Variants in DAB1 observed in about 807,000 individuals in gnomAD.
DAB1 encodes disabled homolog 1.
In DAB1, 15 loss-of-function variants were observed where a neutral mutation model predicts 64.6. The ratio of observed to expected loss-of-function variants is 0.23; its 90% CI spans 0.16 to 0.36. The LOEUF (loss-of-function observed/expected upper bound fraction) is 0.36. Among genes scored for constraint, DAB1 ranks in the 10% least tolerant of loss-of-function variants. DAB1 has a pLI of 1.00. For missense variants in DAB1, 596 were observed against 706.7 expected, an observed-to-expected ratio of 0.84 and a Z score of 1.78; for synonymous variants, 235 against 251.9, an observed-to-expected ratio of 0.93 and a Z score of 0.64.
At chr1:58,294,401 A>G (rs1318580021) in intron 4 of DAB1, among the ~76,000 whole-genome samples, 1 of 152,122 alleles carries the variant, frequency 6.6e-6, no homozygotes, top group East Asian at 1.9e-4. Flanking sequence ...ATTCCATTCA[A>G]CTCAATTTAA....
At chr1:58,339,481 A>G (rs1053498657) in intron 4 of DAB1, among the ~76,000 whole-genome samples, 1 of 152,210 alleles carries the variant, frequency 6.6e-6, no homozygotes, top group Non-Finnish European at 1.5e-5. Context: ...ATGAAAAAAT[A>G]TAATAGAGTA....
chr1:58,061,507 G>A (rs1221958580), intron 5 of DAB1, among the ~76,000 whole-genome samples: 1 of 152,136 alleles, frequency 6.6e-6, no homozygotes, highest in Non-Finnish European at 1.5e-5. Context: ...ATGGCCCTGT[G>A]TCTGTCTGTC....
In DAB1 at chr1:57,758,678, A is replaced by G. The variant is rs146795299; in HGVS notation, n.552-109013T>C. Among the ~76,000 whole-genome samples, 288 of 152,272 alleles carry G rather than the reference A, an allele frequency of 1.9e-3. 1 individual carries two copies. Among genetic ancestry groups the G allele is most frequent in the African/African-American group, 6.7e-3 (277 of 41,556 alleles). On this transcript the variant is annotated intron_variant and non_coding_transcript_variant, in intron 6 of 20. Coordinates refer to the DAB1 transcript ENST00000485760. ...TTCAAGGCTGCATTGGCATTTTTTT[A>G]ACAGGCCATAGAAATTCACAATCAA...
At chr1:57,100,324 A>G (rs1173651627) in intron 4 of DAB1, among the ~76,000 whole-genome samples, 1 of 151,744 alleles carries the variant, frequency 6.6e-6, no homozygotes, top group South Asian at 2.1e-4. Context: ...AGATATTAGT[A>G]CATATCCAAA....
chr1:58,047,555 T>C (rs1013593804), intron 5 of DAB1, among the ~76,000 whole-genome samples: 2 of 152,210 alleles, frequency 1.3e-5, no homozygotes, highest in African/African-American at 2.4e-5. Context: ...ACTCCTCTCA[T>C]TGAAAGCATA....
chr1:57,480,032 G>C (rs575729829), intron 7 of DAB1, among the ~76,000 whole-genome samples: 2 of 151,602 alleles, frequency 1.3e-5, no homozygotes, highest in East Asian at 3.9e-4. Flanking sequence ...CGCGCCTGTA[G>C]TCCCAGCTAC....
intron 5 of DAB1, among the ~76,000 whole-genome samples, chr1:57,908,232 C>T (rs988790047): frequency 3.9e-5 from 6 of 151,972 alleles, no homozygotes; most frequent in African/African-American, 1.5e-4. Context: ...TCTTTGAGTC[C>T]CCTGCTCTGA....
chr1:57,044,750 T>G (rs1648248530), intron 9 of DAB1, among the ~76,000 whole-genome samples: 2 of 152,226 alleles, frequency 1.3e-5, no homozygotes, highest in African/African-American at 4.8e-5. Flanking sequence ...TATTTCTTGT[T>G]TTGACAAATC....
intron 7 of DAB1, among the ~76,000 whole-genome samples, chr1:57,527,010 T>G (rs532807286): frequency 1.2e-4 from 18 of 152,144 alleles, no homozygotes; most frequent in Non-Finnish European, 2.4e-4. Flanking sequence ...ATTAGTAGTA[T>G]TAGTATCACA....
intron 5 of DAB1, among the ~76,000 whole-genome samples, chr1:57,896,836 A>C (rs1442818386): frequency 1.3e-5 from 2 of 152,186 alleles, no homozygotes; most frequent in Admixed American, 6.6e-5. Context: ...GTTTGAGGCA[A>C]AATCAGAAAA....
At chr1:57,620,266 AGAT>A (rs1293725552) in intron 7 of DAB1, among the ~76,000 whole-genome samples, 5 of 152,230 alleles carry the variant, frequency 3.3e-5, no homozygotes, top group Admixed American at 3.3e-4. Flanking sequence ...AAGGCCAAGC[AGAT>A]GATGAGTTTG....
intron 1 of DAB1, among the ~76,000 whole-genome samples, chr1:57,303,012 T>G (rs1480898926): frequency 6.6e-6 from 1 of 152,104 alleles, no homozygotes; most frequent in Non-Finnish European, 1.5e-5. Flanking sequence ...CTCACAGTGG[T>G]AAGTGCTGGT....
At chr1:57,697,458 C>T (rs1570748109) in intron 6 of DAB1, among the ~76,000 whole-genome samples, 1 of 133,286 alleles carries the variant, frequency 7.5e-6, no homozygotes, top group Non-Finnish European at 1.6e-5. Context: ...AAAGGAGGGG[C>T]GAAGTAGTAC....
intron 5 of DAB1, among the ~76,000 whole-genome samples, chr1:58,025,542 A>C (rs1646876532): frequency 6.7e-6 from 1 of 148,664 alleles, no homozygotes; most frequent in Non-Finnish European, 1.5e-5. Flanking sequence ...AGCTATAAAT[A>C]TAATATTATA....
intron 5 of DAB1, among the ~76,000 whole-genome samples, chr1:57,931,125 T>C (rs779701148): frequency 6.6e-6 from 1 of 152,232 alleles, no homozygotes; most frequent in Non-Finnish European, 1.5e-5. Flanking sequence ...ATTTTTCTTC[T>C]TTAGCTAGCT....
At chr1:57,733,195 T>C (rs1647522044) in intron 6 of DAB1, among the ~76,000 whole-genome samples, 1 of 152,062 alleles carries the variant, frequency 6.6e-6, no homozygotes, top group Non-Finnish European at 1.5e-5. Context: ...CTATTTAAAA[T>C]TGCAACTTGC....
chr1:57,019,607 G>T (rs543274577), intron 11 of DAB1, among the ~76,000 whole-genome samples: 9 of 152,324 alleles, frequency 5.9e-5, no homozygotes, highest in Non-Finnish European at 1.3e-4. Context: ...ATGGTCTTGT[G>T]CATGAGCGAA....
At chr1:57,342,252 C>T (rs1378923531) in intron 1 of DAB1, among the ~76,000 whole-genome samples, 1 of 152,118 alleles carries the variant, frequency 6.6e-6, no homozygotes, top group Non-Finnish European at 1.5e-5. Flanking sequence ...GTCTTTTCTC[C>T]ACAGGATCTT....
chr1:58,289,681 T>C (rs1351146169), intron 4 of DAB1, among the ~76,000 whole-genome samples: 1 of 152,248 alleles, frequency 6.6e-6, no homozygotes, highest in Non-Finnish European at 1.5e-5. Context: ...TGTGATGATT[T>C]AGAATTTGCT....
Sources: gnomAD v4.1 joint callset for allele counts (sites outside exome capture counted in the v4.1 genomes callset) on GRCh38, gnomAD v4.1.1 for gene constraint, MANE v1.5 for transcripts, NCBI Gene and HGNC (gene_info 2026-07-23, HGNC 2026-07-21) for gene names.